SMIM8: variants seen among roughly 807,000 people sequenced by gnomAD.
SMIM8 encodes the protein UPF0708 protein C6orf162.
A neutral mutation model predicts 8.1 loss-of-function variants in SMIM8; 8 were observed. The ratio of observed to expected loss-of-function variants is 0.99; its 90% CI spans 0.58 to 1.78. The LOEUF is 1.78. Among genes scored for constraint, SMIM8 ranks in the 40% most tolerant of loss-of-function variants. SMIM8 has a pLI of 0.00. For missense variants in SMIM8, 126 were observed against 119.8 expected, an observed-to-expected ratio of 1.05 and a Z score of -0.24; for synonymous variants, 45 against 39.7, an observed-to-expected ratio of 1.13 and a Z score of -0.50.
intron 1 of SMIM8, among the ~76,000 whole-genome samples, chr6:87,324,124 T>TG (rs1471173130): frequency 5.9e-5 from 9 of 152,070 alleles, no homozygotes; most frequent in Non-Finnish European, 1.0e-4. Context: ...TGGGGTTCTT[T>TG]GTTTTTGTCT....
rs1421992396 is a variant in SMIM8 at position 87,341,827 on chromosome 6, A to T, written c.*1553A>T. The stretch of plus-strand genomic sequence containing the variant: ...TTTAAAATGCACTTCAGTGATACAA[A>T]ATCCCTTTTAAAGACTCTTTTGTTT... On this transcript the variant is annotated 3_prime_UTR_variant, in exon 4 of 4. Coordinates refer to ENST00000392863, the MANE Select transcript of SMIM8 (RefSeq NM_001042493.3). 1.3e-5 allele frequency: 2 copies of T among 152,224 alleles called. No homozygotes were observed. The highest frequency in any genetic ancestry group is 2.9e-5 in the Non-Finnish European group (2 of 68,046). 9.4% of individuals were successfully genotyped at this position (152,224 alleles called of 1,614,324 possible).
At chr6:87,340,065 C>T (rs1777188657) in intron 3 of SMIM8, 51 bp from the exon 4 acceptor site, 1 of 1,428,764 alleles carries the variant, frequency 7.0e-7, no homozygotes, top group Non-Finnish European at 9.2e-7. Context: ...ATTTGGGTCT[C>T]CTCAAATTGT....
At chr6:87,334,662 A>G (rs1777066513) in intron 2 of SMIM8, among the ~76,000 whole-genome samples, 1 of 152,234 alleles carries the variant, frequency 6.6e-6, no homozygotes, top group South Asian at 2.1e-4. Flanking sequence ...CATATGCTTC[A>G]TGCCAAAGGT....
intron 1 of SMIM8, among the ~76,000 whole-genome samples, chr6:87,325,856 T>G (rs2127916050): frequency 6.6e-6 from 1 of 152,380 alleles, no homozygotes; most frequent in South Asian, 2.1e-4. Context: ...AGTTCCTCCT[T>G]GTACCTCTGT....
At position 87,341,490 on chromosome 6, in the gene SMIM8, T is replaced by C. The variant is rs565889810; in HGVS notation, c.*1216T>C. 1 of 390,550 alleles carries C rather than the reference T, an allele frequency of 2.6e-6. No individual in the cohort carries two copies. The highest frequency in any genetic ancestry group is 1.4e-4 in the South Asian group (1 of 6,958). 24.2% of individuals were successfully genotyped at this position (390,550 alleles called of 1,614,324 possible). A position where few individuals can be genotyped will look rare whatever the true frequency, so the allele number is the denominator to read the frequency against. On this transcript the variant is annotated 3_prime_UTR_variant, in exon 4 of 4. Coordinates refer to ENST00000392863, the MANE Select transcript of SMIM8 (RefSeq NM_001042493.3). ...AAGGGTTCTGGACCCGTTTCATTTCTAGATATATACCTAATTCTCCAAATC... is the reference window on the plus strand; with the variant it reads ...AAGGGTTCTGGACCCGTTTCATTTCCAGATATATACCTAATTCTCCAAATC...
In SMIM8 at chr6:87,328,189, C is replaced by G. The variant is rs560159457; in HGVS notation, c.-44-2503C>G. 2.0e-5 allele frequency among the ~76,000 whole-genome samples: 3 copies of G among 152,190 alleles called. No homozygotes were observed. In the South Asian group the frequency reaches 6.2e-4, roughly 32 times the overall value. On this transcript the variant is annotated intron_variant, in intron 1 of 3. Coordinates refer to ENST00000392863, the MANE Select transcript of SMIM8 (RefSeq NM_001042493.3). ...TTTTCAAAGTTTTCAACTTCTTTGC[C>G]TTTGGTTTGAATTTCCTCCCGTAGC...
chr6:87,330,834 AAC>A (rs1776979855), intron 2 of SMIM8, 122 bp downstream of exon 2: 1 of 152,138 alleles, frequency 6.6e-6, no homozygotes, highest in Non-Finnish European at 1.5e-5. Context: ...AAAGATAAAT[AAC>A]AGTTTCTTAA....
chr6:87,338,879 T>G (rs1777163341), intron 3 of SMIM8, among the ~76,000 whole-genome samples: 1 of 151,710 alleles, frequency 6.6e-6, no homozygotes, highest in African/African-American at 2.4e-5. Flanking sequence ...TTTCTGGAGT[T>G]GTGAACATCT....
chr6:87,324,751 G>T (rs921394546), intron 1 of SMIM8, among the ~76,000 whole-genome samples: 4 of 152,100 alleles, frequency 2.6e-5, no homozygotes, highest in Admixed American at 6.5e-5. Flanking sequence ...TTGGCGATGT[G>T]GGCTCTTTTT....
chr6:87,339,429 TGTGTGTTTGTG>T (rs1562225726), intron 3 of SMIM8, among the ~76,000 whole-genome samples: 10 of 89,606 alleles, frequency 1.1e-4, no homozygotes, highest in African/African-American at 5.1e-4. Flanking sequence ...TGTGTGTGTG[TGTGTGTTTGTG>T]TGTGTGTGTG....
intron 1 of SMIM8, among the ~76,000 whole-genome samples, chr6:87,324,206 T>G (rs554399167): frequency 1.1e-3 from 165 of 152,352 alleles, no homozygotes; most frequent in African/African-American, 3.7e-3. Context: ...TGTGAAAATT[T>G]TCTCCCATTT....
At chr6:87,324,118 G>C (rs549218703) in intron 1 of SMIM8, among the ~76,000 whole-genome samples, 1 of 151,852 alleles carries the variant, frequency 6.6e-6, no homozygotes, top group Non-Finnish European at 1.5e-5. Flanking sequence ...TTTTGATGGG[G>C]TTCTTTGTTT....
rs1191675861 is a variant in SMIM8, at chr6:87,342,090, A to G, written c.*1816A>G. ...ATGTAAGATCTATGTGAATGAACCA[A>G]AGTAACTAGAGTCAGTCAAGCACAA... On this transcript the variant is annotated 3_prime_UTR_variant, in exon 4 of 4. Coordinates refer to ENST00000392863, the MANE Select transcript of SMIM8 (RefSeq NM_001042493.3). 6.6e-6 allele frequency: 1 copy of G among 152,206 alleles called. No individual in the cohort carries two copies. The highest frequency in any genetic ancestry group is 1.9e-4 in the East Asian group (1 of 5,196). 9.4% of individuals were successfully genotyped at this position (152,206 alleles called of 1,614,324 possible). A position where few individuals can be genotyped will look rare whatever the true frequency, so the allele number is the denominator to read the frequency against.
chr6:87,337,126 C>T lies in SMIM8; in HGVS notation c.95C>T (p.Thr32Ile). The change falls in exon 3 of 4, where the codon ACC (threonine) becomes ATC (isoleucine). Residue 32 changes from threonine (T) to isoleucine (I), a missense_variant. Coordinates refer to ENST00000392863, the MANE Select transcript of SMIM8 (RefSeq NM_001042493.3). ...SPGLRGVRTT[T>I]LFRAVNPELF... Reference sequence around the variant, plus strand: ...GGGCTCAGAGGGGTGCGCACAACAACCTTATTTCGTGCTGTGAATCCAGAG... The same window carrying T: ...GGGCTCAGAGGGGTGCGCACAACAATCTTATTTCGTGCTGTGAATCCAGAG... The T allele has an allele frequency of 6.2e-7, 1 of 1,612,770 alleles. No individual in the cohort carries two copies. The highest frequency in any genetic ancestry group is 8.5e-7 in the Non-Finnish European group (1 of 1,179,236).
intron 2 of SMIM8, among the ~76,000 whole-genome samples, chr6:87,332,521 T>C (rs1777018276): frequency 6.7e-6 from 1 of 148,918 alleles, no homozygotes; most frequent in African/African-American, 2.4e-5. Flanking sequence ...TATAATTTAT[T>C]ATGTTAATAA....
chr6:87,331,409 C>G (rs1269707199), intron 2 of SMIM8, among the ~76,000 whole-genome samples: 1 of 152,166 alleles, frequency 6.6e-6, no homozygotes, highest in African/African-American at 2.4e-5. Flanking sequence ...TAAAAGTTTA[C>G]TTGTTAAAAT....
chr6:87,328,042 C>G (rs1176614791), intron 1 of SMIM8, among the ~76,000 whole-genome samples: 2 of 151,988 alleles, frequency 1.3e-5, no homozygotes, highest in African/African-American at 2.4e-5. Flanking sequence ...TCCAGTTGAT[C>G]GCATCAGCTC....
At chr6:87,327,889 C>T (rs1208354520) in intron 1 of SMIM8, among the ~76,000 whole-genome samples, 22 of 149,224 alleles carry the variant, frequency 1.5e-4, no homozygotes, top group African/African-American at 5.3e-4. Context: ...CTTTCAGGTA[C>T]ACCAATCAGA....
At chr6:87,329,176 C>G (rs571724564) in intron 1 of SMIM8, 1 of 155,880 alleles carries the variant, frequency 6.4e-6, no homozygotes, top group Admixed American at 6.5e-5. Flanking sequence ...GAGATGAACC[C>G]GGTACCTCGA....
Sources: gnomAD v4.1 joint callset for allele counts (sites outside exome capture counted in the v4.1 genomes callset) on GRCh38, gnomAD v4.1.1 for gene constraint, MANE v1.5 for transcripts, NCBI Gene and HGNC (gene_info 2026-07-23, HGNC 2026-07-21) for gene names.